EYA2: variants seen among roughly 807,000 people sequenced by gnomAD.
EYA2 encodes protein phosphatase EYA2.
EYA2 carries 31 observed loss-of-function variants against 69.2 expected under a neutral mutation model. The observed-to-expected ratio is 0.45, with a 90% confidence interval of 0.34 to 0.60. The LOEUF is 0.60. EYA2 is among the 20% of genes least tolerant of loss of function. EYA2 has a pLI of 0.02. For synonymous variants in EYA2, 257 were observed against 279.4 expected (o/e 0.92, Z 0.80); for missense variants, 622 against 701.2 (o/e 0.89, Z 1.28).
chr20:47,004,992 A>G lies in EYA2; in HGVS notation c.206A>G (p.Tyr69Cys). Residue 69 changes from tyrosine (Y) to cysteine (C), a missense_variant, in exon 4 of 16, where the codon TAC becomes TGC. Physicochemically the swap from Tyr to Cys is radical, Grantham distance 194. This residue lies in a region of EYA2 where 365 missense variants were observed against 349.7 expected (regional missense o/e 1.04). Transcript: ENST00000327619. ...CAGCCTTCCACAGCCATGGCAGCCTACGGCCAGACGCAGTACAGTGCGGGG... is the reference window on the plus strand; with the variant it reads ...CAGCCTTCCACAGCCATGGCAGCCTGCGGCCAGACGCAGTACAGTGCGGGG... ...PRQPSTAMAA[Y>C]GQTQYSAGIQ... The G allele has an allele frequency of 6.2e-7, 1 of 1,614,048 alleles. No homozygotes were observed. Among genetic ancestry groups the G allele is most frequent in the Non-Finnish European group, 8.5e-7 (1 of 1,179,982 alleles).
chr20:46,982,083 T>A (rs1223828295), intron 1 of EYA2, among the ~76,000 whole-genome samples: 1 of 152,230 alleles, frequency 6.6e-6, no homozygotes, highest in African/African-American at 2.4e-5. Context: ...TTATCTATCC[T>A]CCTGCTCACA....
At chr20:47,097,211 A>G in intron 9 of EYA2, 43 bp downstream of exon 9, 6 of 1,469,436 alleles carry the variant, frequency 4.1e-6, no homozygotes, top group Non-Finnish European at 5.7e-6. Context: ...TTTGTTTTCA[A>G]CGTTATTGTC....
chr20:46,905,015 A>T (rs926621221), intron 1 of EYA2, among the ~76,000 whole-genome samples: 1 of 152,036 alleles, frequency 6.6e-6, no homozygotes, highest in African/African-American at 2.4e-5. Context: ...AATGAATGAA[A>T]CTTGCCCTGA....
At chr20:47,020,099 C>T (rs779685047) in intron 5 of EYA2, among the ~76,000 whole-genome samples, 2 of 151,954 alleles carry the variant, frequency 1.3e-5, no homozygotes, top group African/African-American at 2.4e-5. Flanking sequence ...CACCCCACTG[C>T]ACTCCAGCCT....
chr20:47,009,447 A>AT (rs564942051), intron 4 of EYA2, among the ~76,000 whole-genome samples: 1 of 152,180 alleles, frequency 6.6e-6, no homozygotes, highest in Non-Finnish European at 1.5e-5. Flanking sequence ...TGTATTGAGT[A>AT]TTTTTTTCTC....
chr20:46,926,604 C>T (rs1244175689), intron 1 of EYA2, among the ~76,000 whole-genome samples: 2 of 152,200 alleles, frequency 1.3e-5, no homozygotes, highest in African/African-American at 2.4e-5. Flanking sequence ...TTCAAATTCT[C>T]ATCTCATCCA....
chr20:47,093,565 T>C (rs2032152106), intron 8 of EYA2, among the ~76,000 whole-genome samples: 1 of 152,172 alleles, frequency 6.6e-6, no homozygotes, highest in Non-Finnish European at 1.5e-5. Context: ...ACTCTTCCCC[T>C]CTCTGGGCAC....
intron 9 of EYA2, among the ~76,000 whole-genome samples, chr20:47,136,724 C>T (rs978050286): frequency 3.5e-5 from 5 of 142,438 alleles, no homozygotes; most frequent in Non-Finnish European, 3.0e-5. Flanking sequence ...GCCTGGGTGA[C>T]AGGGGAGACC....
intron 10 of EYA2, among the ~76,000 whole-genome samples, chr20:47,145,250 G>A (rs767584129): frequency 6.6e-6 from 1 of 152,120 alleles, no homozygotes; most frequent in East Asian, 1.9e-4. Flanking sequence ...GAGGGGGCCG[G>A]TCCAGGGAAG....
chr20:47,139,402 C>G (rs1006941848), intron 9 of EYA2, among the ~76,000 whole-genome samples: 6 of 152,190 alleles, frequency 3.9e-5, no homozygotes, highest in Non-Finnish European at 5.9e-5. Flanking sequence ...TTGCTGCTGC[C>G]TTTAAAAATG....
intron 1 of EYA2, among the ~76,000 whole-genome samples, chr20:46,976,389 G>GGTTTTGTTTGTGTATTT (rs3092080): frequency 1.3e-5 from 2 of 151,254 alleles, no homozygotes; most frequent in African/African-American, 4.9e-5. Flanking sequence ...AGAGTTTTTG[G>GGTTTTGTTTGTGTATTT]GTTTTGTTTT....
chr20:47,103,605 G>C (rs1322031890), intron 9 of EYA2, among the ~76,000 whole-genome samples: 1 of 152,206 alleles, frequency 6.6e-6, no homozygotes, highest in Non-Finnish European at 1.5e-5. Context: ...GTAGGAGAGA[G>C]AAAGTTCAGA....
intron 1 of EYA2, among the ~76,000 whole-genome samples, chr20:46,926,848 G>A (rs1985437679): frequency 6.6e-6 from 1 of 152,358 alleles, no homozygotes; most frequent in East Asian, 1.9e-4. Flanking sequence ...CAGAGTTGCC[G>A]TGGGCTCACT....
At chr20:47,164,404 A>G (rs2034138097) in intron 10 of EYA2, among the ~76,000 whole-genome samples, 1 of 152,212 alleles carries the variant, frequency 6.6e-6, no homozygotes, top group Admixed American at 6.5e-5. Context: ...AGGAAAGCGC[A>G]TGGAACCCTG....
chr20:46,924,669 CAAAAAAAAAAAAA>C (rs10568771), intron 1 of EYA2, among the ~76,000 whole-genome samples: 9 of 88,362 alleles, frequency 1.0e-4, no homozygotes, highest in African/African-American at 3.5e-4. Flanking sequence ...GACTCCATCT[CAAAAAAAAAAAAA>C]AAAAAAAAAA....
chr20:46,957,063 T>C (rs1279217432), intron 1 of EYA2, among the ~76,000 whole-genome samples: 5 of 152,204 alleles, frequency 3.3e-5, no homozygotes, highest in South Asian at 2.1e-4. Flanking sequence ...ACCATATCAC[T>C]TTCTCTAAAA....
chr20:46,912,530 C>A (rs1984691157), intron 1 of EYA2, among the ~76,000 whole-genome samples: 1 of 152,114 alleles, frequency 6.6e-6, no homozygotes, highest in South Asian at 2.1e-4. Flanking sequence ...ACTGACAAGT[C>A]CTTGCCCTCA....
intron 1 of EYA2, among the ~76,000 whole-genome samples, chr20:46,966,829 T>A (rs1979817409): frequency 6.7e-6 from 1 of 150,210 alleles, no homozygotes; most frequent in Non-Finnish European, 1.5e-5. Flanking sequence ...AAAAAAACTG[T>A]GAAACAGTAC....
At chr20:47,149,919 G>C (rs889337484) in intron 10 of EYA2, among the ~76,000 whole-genome samples, 21 of 152,302 alleles carry the variant, frequency 1.4e-4, no homozygotes, top group Non-Finnish European at 2.2e-4. Context: ...AGATGCAGCA[G>C]GACTGAGGAG....
Sources: gnomAD v4.1 joint callset for allele counts (sites outside exome capture counted in the v4.1 genomes callset) on GRCh38, gnomAD v4.1.1 for gene constraint, gnomAD v4.1.1 regional missense constraint, MANE v1.5 for transcripts, NCBI Gene and HGNC (gene_info 2026-07-23, HGNC 2026-07-21) for gene names.